ABL1: variants seen among roughly 807,000 people sequenced by gnomAD.
ABL1 encodes tyrosine-protein kinase ABL1.
In ABL1, 11 loss-of-function variants were observed where a neutral mutation model predicts 94.7. The observed-to-expected ratio is 0.12, with a 90% CI of 0.07 to 0.19. The LOEUF is 0.19. Ranked by LOEUF, ABL1 falls within the 10% of genes least tolerant of loss-of-function variation. The probability of loss-of-function intolerance (pLI) is 1.00; values close to 1 mark genes in which losing one functional copy is unlikely to be tolerated. For missense variants in ABL1, 1,082 were observed against 1,489.4 expected (o/e 0.73, Z 4.50); for synonymous variants, 656 against 622.4 (o/e 1.05, Z -0.80).
intron 1 of ABL1, among the ~76,000 whole-genome samples, chr9:130,748,582 T>A (rs1201435280): frequency 2.0e-5 from 3 of 151,776 alleles, no homozygotes; most frequent in Non-Finnish European, 4.4e-5. Context: ...CTAGCTACTT[T>A]TTTTTTTTTT....
At chr9:130,736,228 G>A (rs1223206362) in intron 1 of ABL1, among the ~76,000 whole-genome samples, 1 of 151,814 alleles carries the variant, frequency 6.6e-6, no homozygotes, top group Non-Finnish European at 1.5e-5. Context: ...GGGATTATAG[G>A]CATGAGCCAC....
At chr9:130,874,158 C>T (rs1206200852) in intron 6 of ABL1, among the ~76,000 whole-genome samples, 2 of 152,138 alleles carry the variant, frequency 1.3e-5, no homozygotes, top group Admixed American at 1.3e-4. Flanking sequence ...AGCTGCTGCC[C>T]CCTCTCATTC....
intron 1 of ABL1, among the ~76,000 whole-genome samples, chr9:130,848,345 G>GA (rs34112720): frequency 0.2 from 14,113 of 69,668 alleles, 1,143 homozygotes; most frequent in East Asian, 0.38. Flanking sequence ...TACTGAAAAT[G>GA]AAAAAAAAAA....
intron 1 of ABL1, among the ~76,000 whole-genome samples, chr9:130,764,826 C>T (rs1246649775): frequency 6.6e-6 from 1 of 152,038 alleles, no homozygotes; most frequent in Non-Finnish European, 1.5e-5. Context: ...CGTGGTGGCG[C>T]ATGCCTGTAA....
intron 1 of ABL1, among the ~76,000 whole-genome samples, chr9:130,761,377 C>T (rs1402633439): frequency 1.3e-5 from 2 of 152,178 alleles, no homozygotes; most frequent in Non-Finnish European, 2.9e-5. Context: ...ATGATAAGGA[C>T]TTAGTCTGTA....
At position 130,880,582 on chromosome 9, in the gene ABL1, G is replaced by A. The variant is rs541262064; in HGVS notation, c.1596G>A (p.Thr532=). 4.8e-5 allele frequency: 78 copies of A among 1,613,852 alleles called. No individual in the cohort carries two copies. The East Asian group carries it at 1.4e-3, about 30-fold the overall frequency. ...AGGCCCCAGAGCTGCCCACCAAGACGAGGACCTCCAGGAGAGCTGCAGAGC... is the reference window on the plus strand; with the variant it reads ...AGGCCCCAGAGCTGCCCACCAAGACAAGGACCTCCAGGAGAGCTGCAGAGC... The part of the protein sequence containing the change: ...LLQAPELPTK[T]RTSRRAAEHR... The change falls in exon 10 of 11, where the codon ACG becomes ACA. Residue 532 remains threonine (T), a synonymous_variant. Transcript: ENST00000318560. This position sits in a 1 kb window ranked among gnomAD's most constrained non-coding sequence, Gnocchi z 4.4.
rs537376492 is a variant in ABL1 at position 130,805,109 on chromosome 9, C to T, written c.137-48955C>T. 6.5e-4 allele frequency among the ~76,000 whole-genome samples: 99 copies of T among 152,310 alleles called. 2 individuals are homozygous for T. The South Asian group carries it at 0.019, about 30-fold the overall frequency. ...TTTGTTTGTTTGAGACAGAGTCTCG[C>T]ACTGTCACCCAGGCTGGAGTGCAGT... On this transcript the variant is annotated intron_variant, in intron 1 of 10. Transcript: ENST00000372348.
At chr9:130,714,412 A>G (rs754145313) in exon 1 of ABL1, 1 of 1,614,046 alleles carries the variant, frequency 6.2e-7, no homozygotes, top group African/African-American at 1.3e-5. Flanking sequence ...AGAAGGAATC[A>G]TCGAGGCATG....
Position 130,880,356 on chromosome 9 carries a change from TGTTTCTCCGGTATCCAC to T in ABL1, c.1514-141_1514-125del. ...CAGAGTTCTAAGAAATGCTAAGGGC[TGTTTCTCCGGTATCCAC>T]GTGCCTTTTCTTTAGTTGTATGCAG... is the stretch of plus-strand genomic sequence containing the variant. On this transcript the variant is annotated intron_variant, in intron 9 of 10. Coordinates refer to ENST00000318560, the MANE Select transcript of ABL1 (RefSeq NM_005157.6). The surrounding 1 kb of genome is among the most constrained non-coding windows in gnomAD (Gnocchi z 4.4). The T allele has an allele frequency of 9.0e-7, 1 of 1,105,690 alleles. No individual in the cohort carries two copies. Among genetic ancestry groups the T allele is most frequent in the Non-Finnish European group, 1.3e-6 (1 of 767,540 alleles). 68.5% of individuals were successfully genotyped at this position (1,105,690 alleles called of 1,614,324 possible). A position where few individuals can be genotyped will look rare whatever the true frequency, so the allele number is the denominator to read the frequency against.
intron 1 of ABL1, among the ~76,000 whole-genome samples, chr9:130,797,285 TTG>T: frequency 6.7e-6 from 1 of 149,092 alleles, no homozygotes; most frequent in African/African-American, 2.4e-5. Context: ...ATAAACTTCG[TTG>T]TGTCATATTC....
chr9:130,735,961 A>ATATATATTTTTTTTTT (rs573602038), intron 1 of ABL1, among the ~76,000 whole-genome samples: 3 of 94,850 alleles, frequency 3.2e-5, no homozygotes, highest in Middle Eastern at 4.8e-3. Context: ...ATATATATAT[A>ATATATATTTTTTTTTT]TTTTTTTTTT....
intron 1 of ABL1, among the ~76,000 whole-genome samples, chr9:130,800,928 C>CTTTT (rs5900906): frequency 2.3e-5 from 3 of 128,776 alleles, no homozygotes; most frequent in Non-Finnish European, 5.1e-5. Flanking sequence ...TTTTTCTTTC[C>CTTTT]TTTTTTTTTT....
chr9:130,769,334 T>TC, intron 1 of ABL1, among the ~76,000 whole-genome samples: 1 of 139,566 alleles, frequency 7.2e-6, no homozygotes, highest in Non-Finnish European at 1.5e-5. Flanking sequence ...CTAGTCTTTT[T>TC]TTTTTTTTTT....
chr9:130,790,926 C>T (rs1159954435), intron 1 of ABL1, among the ~76,000 whole-genome samples: 2 of 152,170 alleles, frequency 1.3e-5, no homozygotes, highest in Non-Finnish European at 2.9e-5. Context: ...GCCTTCAGGC[C>T]CCTTGCCCTG....
At chr9:130,854,713 G>A (rs1162260114) in intron 2 of ABL1, 88 bp from the exon 3 acceptor site, 1 of 1,371,612 alleles carries the variant, frequency 7.3e-7, no homozygotes, top group Non-Finnish European at 1.0e-6. Flanking sequence ...GGAATTTGGA[G>A]ATTTTTAGTA....
intron 1 of ABL1, among the ~76,000 whole-genome samples, chr9:130,808,983 C>T (rs1266518028): frequency 2.0e-5 from 3 of 152,162 alleles, no homozygotes; most frequent in Non-Finnish European, 4.4e-5. Flanking sequence ...ATTTAATGCT[C>T]GGAGAAAGTT....
At chr9:130,837,082 C>T (rs1191669270) in intron 1 of ABL1, among the ~76,000 whole-genome samples, 1 of 152,194 alleles carries the variant, frequency 6.6e-6, no homozygotes, top group Non-Finnish European at 1.5e-5. Flanking sequence ...GTGTACCTCA[C>T]TCCTCTTCTG....
At chr9:130,844,051 GC>G (rs1299992087) in intron 1 of ABL1, among the ~76,000 whole-genome samples, 1 of 152,130 alleles carries the variant, frequency 6.6e-6, no homozygotes, top group Non-Finnish European at 1.5e-5. Context: ...TCCCAGCATT[GC>G]CCCCGATGAC....
At chr9:130,729,455 G>C (rs1380580184) in intron 1 of ABL1, among the ~76,000 whole-genome samples, 2 of 152,090 alleles carry the variant, frequency 1.3e-5, no homozygotes, top group Non-Finnish European at 2.9e-5. Flanking sequence ...CCAAGTCTTT[G>C]CTTCCTCAGT....
Sources: gnomAD v4.1 joint callset for allele counts (sites outside exome capture counted in the v4.1 genomes callset) on GRCh38, gnomAD v4.1.1 for gene constraint, Gnocchi (gnomAD v3.1) non-coding constraint, MANE v1.5 for transcripts, NCBI Gene and HGNC (gene_info 2026-07-23, HGNC 2026-07-21) for gene names.